DTNA: variants seen among roughly 807,000 people sequenced by gnomAD.
DTNA encodes dystrophin-related protein 3.
A neutral mutation model predicts 100.7 loss-of-function variants in DTNA; 43 were observed. The ratio of observed to expected loss-of-function variants is 0.43; its 90% confidence interval spans 0.33 to 0.55. The LOEUF is 0.55. DTNA is among the 20% of genes least tolerant of loss of function. The pLI, the probability that DTNA is intolerant of heterozygous loss-of-function variation, is 0.04. For missense variants in DTNA, 798 were observed against 953.9 expected, an observed-to-expected ratio of 0.84 and a Z score of 2.15; for synonymous variants, 349 against 347.9, an observed-to-expected ratio of 1.00 and a Z score of -0.04.
At chr18:34,698,227 A>C (rs1419634286) in intron 1 of DTNA, among the ~76,000 whole-genome samples, 1 of 152,184 alleles carries the variant, frequency 6.6e-6, no homozygotes, top group East Asian at 1.9e-4. Context: ...CTTTTCCCAG[A>C]AACTACCTGC....
rs148582536 is a variant in DTNA, at chr18:34,797,459, C to T, written c.362+3209C>T. Among the ~76,000 whole-genome samples the T allele has an allele frequency of 7.4e-3, 1,132 of 152,182 alleles. 9 individuals carry two copies. The highest frequency in any genetic ancestry group is 0.011 in the Non-Finnish European group (751 of 67,994). Reference sequence around the variant, plus strand: ...TCCGATCACCCCAGGAACTGGCCTCCCACCTCCCCTTCTTTGCTGCCAGGA... The same window carrying T: ...TCCGATCACCCCAGGAACTGGCCTCTCACCTCCCCTTCTTTGCTGCCAGGA... On this transcript the variant is annotated intron_variant, in intron 4 of 22. Coordinates refer to ENST00000444659, the MANE Select transcript of DTNA (RefSeq NM_001386795.1).
intron 1 of DTNA, among the ~76,000 whole-genome samples, chr18:34,711,639 C>T (rs539802133): frequency 2.6e-5 from 4 of 152,190 alleles, no homozygotes; most frequent in African/African-American, 9.6e-5. Flanking sequence ...ATAAATTTTC[C>T]CAAGTTTGTT....
chr18:34,777,989 C>G (rs2094141549), intron 3 of DTNA, among the ~76,000 whole-genome samples: 2 of 152,312 alleles, frequency 1.3e-5, no homozygotes, highest in Non-Finnish European at 2.9e-5. Context: ...AGTGAGGGAA[C>G]TGCAGTAGCT....
At chr18:34,520,764 G>C (rs540922074) in intron 1 of DTNA, among the ~76,000 whole-genome samples, 2 of 152,204 alleles carry the variant, frequency 1.3e-5, no homozygotes, top group East Asian at 3.9e-4. Context: ...TTTCATTGCT[G>C]TTCTCCTGCC....
chr18:34,590,991 G>A (rs988552478), intron 1 of DTNA, among the ~76,000 whole-genome samples: 1 of 152,148 alleles, frequency 6.6e-6, no homozygotes, highest in South Asian at 2.1e-4. Flanking sequence ...ATAAAGTTGG[G>A]AACCTTAGGA....
At chr18:34,763,430 G>C (rs1030133652) in intron 2 of DTNA, among the ~76,000 whole-genome samples, 3 of 152,242 alleles carry the variant, frequency 2.0e-5, no homozygotes, top group Non-Finnish European at 2.9e-5. Context: ...AATTTTAAAA[G>C]TAACTAACCA....
In DTNA at chr18:34,769,895, A is replaced by G. The variant is rs1047129137; in HGVS notation, c.148+3854A>G. ...CACCACCACGCCCAGCTAATTTTGT[A>G]TTTTTAGTACAGACAGGGTTTCACC... is the stretch of plus-strand genomic sequence containing the variant. On this transcript the variant is annotated intron_variant, in intron 3 of 22. Coordinates refer to ENST00000444659, the MANE Select transcript of DTNA (RefSeq NM_001386795.1). 5.3e-5 allele frequency among the ~76,000 whole-genome samples: 8 copies of G among 151,258 alleles called. No individual in the cohort carries two copies. In the East Asian group the frequency reaches 1.4e-3, roughly 26 times the overall value.
At chr18:34,548,506 ATTTC>A (rs1400314829) in intron 1 of DTNA, among the ~76,000 whole-genome samples, 3 of 152,146 alleles carry the variant, frequency 2.0e-5, no homozygotes, top group Non-Finnish European at 4.4e-5. Context: ...CAATCGAAGC[ATTTC>A]TTTCAGCATT....
In DTNA at chr18:34,589,558, G is replaced by A. The variant is rs915046615; in HGVS notation, c.-2+96044G>A. On this transcript the variant is annotated intron_variant, in intron 1 of 19. Transcript: ENST00000283365. ...CACAAGGCAGAGCTTGCAGTGAGCC[G>A]AGATTGTGCCACTGTACTCCAGCCT... 1.1e-4 allele frequency among the ~76,000 whole-genome samples: 16 copies of A among 152,194 alleles called. 1 individual carries two copies. The highest frequency in any genetic ancestry group is 4.1e-4 in the South Asian group (2 of 4,826).
chr18:34,802,075 G>C (rs999520736), intron 4 of DTNA, among the ~76,000 whole-genome samples: 21 of 152,208 alleles, frequency 1.4e-4, no homozygotes, highest in Non-Finnish European at 2.9e-4. Context: ...AGTCAGAATT[G>C]CACATGAAGT....
At chr18:34,552,432 G>C (rs1291263465) in intron 1 of DTNA, among the ~76,000 whole-genome samples, 2 of 151,162 alleles carry the variant, frequency 1.3e-5, no homozygotes, top group Non-Finnish European at 2.9e-5. Flanking sequence ...CAATGTGCAG[G>C]TTAGTTACAT....
In DTNA at chr18:34,845,741, A is replaced by G. The variant is rs1603195160; in HGVS notation, c.1347-2555A>G. ...ATAAAGAATTTAGTTATTATTTTTA[A>G]CCATTGCAGAATGCAGACATTATTT... On this transcript the variant is annotated intron_variant, in intron 13 of 22. Coordinates refer to ENST00000444659, the MANE Select transcript of DTNA (RefSeq NM_001386795.1). Among the ~76,000 whole-genome samples the G allele has an allele frequency of 2.6e-5, 4 of 152,320 alleles. No homozygotes were observed. In the South Asian group the frequency reaches 8.3e-4, roughly 32 times the overall value.
At chr18:34,581,416 C>G (rs1386379426) in intron 1 of DTNA, among the ~76,000 whole-genome samples, 1 of 152,070 alleles carries the variant, frequency 6.6e-6, no homozygotes, top group African/African-American at 2.4e-5. Flanking sequence ...AAAGGTTAAC[C>G]TCATTTTGAA....
intron 1 of DTNA, among the ~76,000 whole-genome samples, chr18:34,684,296 CT>C (rs139676473): frequency 0.034 from 5,115 of 152,182 alleles, 267 homozygotes; most frequent in African/African-American, 0.11. Flanking sequence ...TATCCCTCCC[CT>C]TGCCCCCCAT....
intron 1 of DTNA, among the ~76,000 whole-genome samples, chr18:34,494,553 GGCTGGGACTCA>G (rs1263158298): frequency 1.3e-5 from 2 of 152,146 alleles, no homozygotes; most frequent in Non-Finnish European, 2.9e-5. Context: ...GCGACGGCGA[GGCTGGGACTCA>G]GTGGTACCAC....
At chr18:34,616,452 A>C (rs1028209473) in intron 1 of DTNA, among the ~76,000 whole-genome samples, 1 of 152,168 alleles carries the variant, frequency 6.6e-6, no homozygotes, top group Non-Finnish European at 1.5e-5. Context: ...ATATTTGCAA[A>C]CTATGCATAT....
intron 1 of DTNA, among the ~76,000 whole-genome samples, chr18:34,608,493 G>A (rs1022921422): frequency 6.7e-6 from 1 of 150,054 alleles, no homozygotes; most frequent in Non-Finnish European, 1.5e-5. Flanking sequence ...TTTGACAAAA[G>A]GGACAAAAGT....
At position 34,771,270 on chromosome 18, in the gene DTNA, C is replaced by T. The variant is rs532871469; in HGVS notation, c.148+5229C>T. 1.0e-3 allele frequency among the ~76,000 whole-genome samples: 154 copies of T among 152,136 alleles called. 1 individual carries two copies. The highest frequency in any genetic ancestry group is 3.1e-3 in the African/African-American group (129 of 41,522). On this transcript the variant is annotated intron_variant, in intron 3 of 22. Transcript: ENST00000444659. ...TTCCCAGCACTTTGGGAGGCCGAGG[C>T]GGGCGGATCACAAGGTCAGGAGATC...
intron 13 of DTNA, among the ~76,000 whole-genome samples, chr18:34,843,047 T>C (rs779499071): frequency 6.6e-6 from 1 of 152,156 alleles, no homozygotes; most frequent in Non-Finnish European, 1.5e-5. Flanking sequence ...GTTGATATTG[T>C]AGAATATCAG....
Sources: allele counts gnomAD v4.1 joint callset (sites outside exome capture counted in the v4.1 genomes callset), GRCh38; gene constraint gnomAD v4.1.1; transcripts MANE v1.5; gene names NCBI Gene and HGNC (gene_info 2026-07-23, HGNC 2026-07-21).